Variants in LIX1 observed in about 807,000 individuals in gnomAD.
The protein encoded by LIX1 is limb and CNS expressed 1.
In LIX1, 24 loss-of-function variants were observed where a neutral mutation model predicts 33.4. That is an observed-to-expected ratio of 0.72 (90% confidence interval 0.52 to 1.01). The LOEUF (loss-of-function observed/expected upper bound fraction) is 1.01. Among genes scored for constraint, LIX1 ranks in the 50% least tolerant of loss-of-function variants. The pLI is 0.00. For missense variants in LIX1, 311 were observed against 339.2 expected (o/e 0.92, Z 0.65); for synonymous variants, 124 against 124.0 (o/e 1.00, Z 0.00).
At chr5:97,141,677 A>G (rs1048503501) in intron 1 of LIX1, among the ~76,000 whole-genome samples, 2 of 152,170 alleles carry the variant, frequency 1.3e-5, no homozygotes, top group African/African-American at 2.4e-5. Context: ...TTCCATATGC[A>G]TTTTACCTTT....
rs185381075 is a variant in LIX1 at position 97,097,175 on chromosome 5, C to T, written c.484-288G>A. Among the ~76,000 whole-genome samples the T allele has an allele frequency of 1.4e-3, 219 of 152,250 alleles. 2 individuals are homozygous for T. Among genetic ancestry groups the T allele is most frequent in the Middle Eastern group, 3.4e-3 (1 of 294 alleles). Reference sequence around the variant, plus strand: ...AAATAATACACTGAAGAGTTCTACACACAAGAAGTTATTTAAATATACCAG... The same window carrying T: ...AAATAATACACTGAAGAGTTCTACATACAAGAAGTTATTTAAATATACCAG... On this transcript the variant is annotated intron_variant, in intron 4 of 5. Coordinates refer to ENST00000274382, the MANE Select transcript of LIX1 (RefSeq NM_153234.5).
intron 2 of LIX1, among the ~76,000 whole-genome samples, chr5:97,117,023 G>T (rs999261895): frequency 1.3e-5 from 2 of 152,216 alleles, no homozygotes; most frequent in African/African-American, 4.8e-5. Context: ...AAAAGAAACA[G>T]ATTAAAGTTA....
chr5:97,141,267 C>G (rs953366289), intron 1 of LIX1, among the ~76,000 whole-genome samples: 14 of 152,176 alleles, frequency 9.2e-5, no homozygotes, highest in African/African-American at 3.1e-4. Flanking sequence ...GAGAGACATT[C>G]TTTCCTCCCC....
rs1746097883 is a variant in LIX1, at chr5:97,092,104, T to G, written c.*2644A>C. On this transcript the variant is annotated 3_prime_UTR_variant, in exon 6 of 6. Coordinates refer to ENST00000274382, the MANE Select transcript of LIX1 (RefSeq NM_153234.5). ...TCTGAGTTATGTTGGATCCCTGATG[T>G]AAAGTTTGACAGTGTATGTTGTGTT... 6.6e-6 allele frequency: 1 copy of G among 152,352 alleles called. No homozygotes were observed. Among genetic ancestry groups the G allele is most frequent in the South Asian group, 2.1e-4 (1 of 4,836 alleles). The allele number at this position is 152,352 out of a possible 1,614,324, so 9.4% of individuals were successfully genotyped here. A position where few individuals can be genotyped will look rare whatever the true frequency, so the allele number is the denominator to read the frequency against.
chr5:97,122,357 C>G (rs1048738992), intron 2 of LIX1, among the ~76,000 whole-genome samples: 1 of 152,034 alleles, frequency 6.6e-6, no homozygotes, highest in Non-Finnish European at 1.5e-5. Flanking sequence ...CATCTTTGCC[C>G]CTAATAATTT....
intron 4 of LIX1, among the ~76,000 whole-genome samples, chr5:97,097,968 C>G (rs1746480200): frequency 6.6e-6 from 1 of 152,180 alleles, no homozygotes; most frequent in Non-Finnish European, 1.5e-5. Context: ...CCATTTTTGT[C>G]CTCTGTTTCT....
At chr5:97,117,263 G>A (rs897083744) in intron 2 of LIX1, among the ~76,000 whole-genome samples, 8 of 152,096 alleles carry the variant, frequency 5.3e-5, no homozygotes, top group Non-Finnish European at 1.2e-4. Flanking sequence ...ATAGCATGTC[G>A]TCCATCTGAG....
At chr5:97,117,966 T>C (rs545484604) in intron 2 of LIX1, among the ~76,000 whole-genome samples, 6 of 151,536 alleles carry the variant, frequency 4.0e-5, no homozygotes, top group Non-Finnish European at 5.9e-5. Context: ...TATGGAAGAA[T>C]TGATTGTCTC....
intron 2 of LIX1, among the ~76,000 whole-genome samples, chr5:97,120,814 C>T (rs1199824121): frequency 2.6e-5 from 4 of 152,056 alleles, no homozygotes; most frequent in African/African-American, 7.2e-5. Flanking sequence ...GCCATTGAAG[C>T]CCCCCTTTTT....
chr5:97,113,377 A>G (rs577560812), intron 2 of LIX1, among the ~76,000 whole-genome samples: 2 of 152,326 alleles, frequency 1.3e-5, no homozygotes, highest in South Asian at 4.1e-4. Context: ...GCTATTTCTT[A>G]TGCAGCAATA....
intron 1 of LIX1, among the ~76,000 whole-genome samples, chr5:97,140,726 T>A (rs1748269906): frequency 6.6e-6 from 1 of 152,188 alleles, no homozygotes; most frequent in African/African-American, 2.4e-5. Context: ...GGTACAGAAA[T>A]GTGCCATTTG....
chr5:97,113,513 A>G (rs1212803412), intron 2 of LIX1, among the ~76,000 whole-genome samples: 5 of 152,224 alleles, frequency 3.3e-5, no homozygotes, highest in African/African-American at 1.2e-4. Context: ...ACATTTTGTT[A>G]CCACAACAAT....
chr5:97,129,354 C>G (rs896524171), intron 1 of LIX1, among the ~76,000 whole-genome samples: 3 of 152,170 alleles, frequency 2.0e-5, no homozygotes, highest in African/African-American at 7.2e-5. Flanking sequence ...GGATCTCAGG[C>G]TCCACCCTAG....
chr5:97,105,199 C>T lies in LIX1; in HGVS notation c.474G>A (p.Leu158=), dbSNP rs747415724. ...MLESNMGKTM[L]EFQELMTIFQ... ...GCAGGCAGGCAGGTACCTGAAACTC[C>T]AGCATAGTCTTCCCCATGTTTGACT... Residue 158 remains leucine, a synonymous_variant, in exon 4 of 6, where the codon CTG becomes CTA. Coordinates refer to ENST00000274382, the MANE Select transcript of LIX1 (RefSeq NM_153234.5). The T allele has an allele frequency of 6.2e-7, 1 of 1,613,964 alleles. No homozygotes were observed. Among genetic ancestry groups the T allele is most frequent in the South Asian group, 1.1e-5 (1 of 91,064 alleles).
At chr5:97,123,926 A>G (rs1297643539) in intron 2 of LIX1, among the ~76,000 whole-genome samples, 2 of 152,212 alleles carry the variant, frequency 1.3e-5, no homozygotes, top group African/African-American at 4.8e-5. Flanking sequence ...TCCCAGAGGC[A>G]GCATAGGTTT....
intron 1 of LIX1, among the ~76,000 whole-genome samples, chr5:97,132,336 T>A (rs1748075014): frequency 3.3e-5 from 5 of 152,176 alleles, no homozygotes; most frequent in Non-Finnish European, 7.3e-5. Context: ...AAGTGACATG[T>A]AAAATGTAAA....
At chr5:97,097,450 TAAG>T (rs1746445306) in intron 4 of LIX1, among the ~76,000 whole-genome samples, 1 of 152,212 alleles carries the variant, frequency 6.6e-6, no homozygotes, top group Admixed American at 6.5e-5. Flanking sequence ...ACTATTTGCT[TAAG>T]AAGATCGCTA....
intron 3 of LIX1, among the ~76,000 whole-genome samples, chr5:97,106,965 T>C (rs1190388596): frequency 1.3e-5 from 2 of 152,214 alleles, no homozygotes; most frequent in African/African-American, 4.8e-5. Context: ...ACACTTCAGA[T>C]GATTTTCATG....
At chr5:97,140,851 G>A (rs1391206998) in intron 1 of LIX1, among the ~76,000 whole-genome samples, 2 of 152,250 alleles carry the variant, frequency 1.3e-5, no homozygotes, top group East Asian at 3.9e-4. Flanking sequence ...CCATTCTAGG[G>A]TAAACAGGCA....
Sources: gnomAD v4.1 joint callset for allele counts (sites outside exome capture counted in the v4.1 genomes callset) on GRCh38, gnomAD v4.1.1 for gene constraint, MANE v1.5 for transcripts, NCBI Gene and HGNC (gene_info 2026-07-23, HGNC 2026-07-21) for gene names.